DENND4C: variants seen among roughly 807,000 people sequenced by gnomAD.
The protein encoded by DENND4C is DENN domain containing 4C.
In DENND4C, 108 loss-of-function variants were observed where a neutral mutation model predicts 203.0. That is an observed-to-expected ratio of 0.53 (90% CI 0.46 to 0.62). The LOEUF is 0.62. DENND4C is among the 20% of genes least tolerant of loss of function. The pLI is 0.00. For missense variants in DENND4C, 2,481 were observed against 2,301.2 expected (o/e 1.08, Z -1.60); for synonymous variants, 871 against 792.4 (o/e 1.10, Z -1.67).
rs142460239 is a variant in DENND4C, at chr9:19,266,772, G to T, written c.-17-9386G>T. Among the ~76,000 whole-genome samples the T allele has an allele frequency of 7.9e-3, 1,197 of 152,266 alleles. 20 individuals carry two copies. Among genetic ancestry groups the T allele is most frequent in the African/African-American group, 0.028 (1,160 of 41,542 alleles). ...ATGGTGCTGGGAAAACTGGCTAGCC[G>T]TATGTAGAGGGCTGAAACTGGATCC... On this transcript the variant is annotated intron_variant, in intron 1 of 32. Transcript: ENST00000434457.
intron 6 of DENND4C, among the ~76,000 whole-genome samples, chr9:19,297,121 C>T (rs935543306): frequency 2.6e-5 from 4 of 152,054 alleles, no homozygotes; most frequent in African/African-American, 9.7e-5. Flanking sequence ...TTTATGTATC[C>T]TGCTAACAAA....
intron 20 of DENND4C, among the ~76,000 whole-genome samples, chr9:19,337,040 C>T (rs1347513652): frequency 6.6e-6 from 1 of 152,168 alleles, no homozygotes; most frequent in Non-Finnish European, 1.5e-5. Context: ...GCACAGTGCT[C>T]TAGCATGATG....
intron 2 of DENND4C, among the ~76,000 whole-genome samples, chr9:19,278,996 C>T (rs10757046): frequency 0.49 from 74,145 of 151,876 alleles, 18,845 homozygotes; most frequent in South Asian, 0.65. Context: ...GAAACTTAGG[C>T]ACTATTCCAG....
chr9:19,360,210 GATA>G (rs1826173914), intron 28 of DENND4C, 31 bp from the exon 29 acceptor site: 3 of 1,597,050 alleles, frequency 1.9e-6, no homozygotes, highest in Non-Finnish European at 2.6e-6. Flanking sequence ...GATTTAAACA[GATA>G]ATATTAATTT....
At chr9:19,231,426 A>C (rs1017070897) in intron 1 of DENND4C, among the ~76,000 whole-genome samples, 5 of 152,084 alleles carry the variant, frequency 3.3e-5, no homozygotes, top group Non-Finnish European at 5.9e-5. Flanking sequence ...ATGACTTTCT[A>C]GGAGGGCAGT....
At chr9:19,323,258 C>A (rs1180603130) in intron 12 of DENND4C, among the ~76,000 whole-genome samples, 1 of 152,004 alleles carries the variant, frequency 6.6e-6, no homozygotes, top group Non-Finnish European at 1.5e-5. Flanking sequence ...ATGGTGAAAC[C>A]GTCTCTACTA....
At chr9:19,321,725 A>G (rs957505589) in intron 12 of DENND4C, among the ~76,000 whole-genome samples, 2 of 151,324 alleles carry the variant, frequency 1.3e-5, no homozygotes, top group African/African-American at 2.4e-5. Context: ...CCAGCTACTC[A>G]GGAGGCTGAG....
chr9:19,235,784 G>A (rs948975845), intron 1 of DENND4C, among the ~76,000 whole-genome samples: 6 of 151,706 alleles, frequency 4.0e-5, no homozygotes, highest in African/African-American at 7.3e-5. Flanking sequence ...CTGATTTTTC[G>A]TATTTTTAGT....
At chr9:19,356,486 T>C (rs1825421158) in intron 26 of DENND4C, among the ~76,000 whole-genome samples, 2 of 151,916 alleles carry the variant, frequency 1.3e-5, no homozygotes, top group African/African-American at 4.8e-5. Context: ...AGAGATAAGA[T>C]GTAAATAAAA....
In DENND4C at chr9:19,316,742, G is replaced by C; in HGVS notation, c.1710G>C (p.Met570Ile). 6.2e-7 allele frequency: 1 copy of C among 1,614,058 alleles called. No individual in the cohort carries two copies. Among genetic ancestry groups the C allele is most frequent in the Non-Finnish European group, 8.5e-7 (1 of 1,180,008 alleles). ...TTCAAGAGGCATTTTTGCGCTTTAT[G>C]GCGTCTATTTTAAAAGGATATAGAA... ...MEIQEAFLRF[M>I]ASILKGYRTY... Residue 570 changes from methionine to isoleucine, a missense_variant, in exon 12 of 33, where the codon ATG (methionine) becomes ATC (isoleucine). Physicochemically the swap from Met to Ile is conservative, Grantham distance 10 (BLOSUM62 1). Transcript: ENST00000434457.
intron 27 of DENND4C, 86 bp downstream of exon 27, chr9:19,357,240 T>C (rs1825625819): frequency 7.5e-7 from 1 of 1,326,202 alleles, no homozygotes; most frequent in Non-Finnish European, 1.1e-6. Context: ...ACCTGACTCA[T>C]ATAGGCATAA....
intron 1 of DENND4C, among the ~76,000 whole-genome samples, chr9:19,262,824 C>CT (rs758954422): frequency 2.0e-5 from 3 of 152,164 alleles, no homozygotes; most frequent in Non-Finnish European, 4.4e-5. Context: ...CTGCCTTGGC[C>CT]TCCCAAAGTG....
chr9:19,283,369 C>T (rs1284152524), intron 2 of DENND4C, among the ~76,000 whole-genome samples: 1 of 151,920 alleles, frequency 6.6e-6, no homozygotes, highest in African/African-American at 2.4e-5. Flanking sequence ...GAAGGACCTG[C>T]CTGAGACTGT....
chr9:19,235,733 C>A (rs1821805758), intron 1 of DENND4C, among the ~76,000 whole-genome samples: 1 of 151,570 alleles, frequency 6.6e-6, no homozygotes, highest in African/African-American at 2.4e-5. Flanking sequence ...GCCTCAGCCT[C>A]CCAAATAGCT....
intron 1 of DENND4C, among the ~76,000 whole-genome samples, chr9:19,240,545 A>G (rs1381382130): frequency 1.3e-5 from 2 of 152,088 alleles, no homozygotes; most frequent in African/African-American, 4.8e-5. Context: ...GTGTGCCTGT[A>G]GTCCCAGCTA....
intron 10 of DENND4C, among the ~76,000 whole-genome samples, chr9:19,309,213 G>T (rs559001566): frequency 2.0e-5 from 3 of 151,878 alleles, no homozygotes; most frequent in Admixed American, 2.0e-4. Flanking sequence ...TCCTGGGGTC[G>T]GGAGTTTGAG....
In DENND4C at chr9:19,360,935, G is replaced by A. The variant is rs146209306; in HGVS notation, c.5406+446G>A. On this transcript the variant is annotated intron_variant, in intron 29 of 32. Coordinates refer to ENST00000434457, the MANE Select transcript of DENND4C (RefSeq NM_001330640.2). ...GTTGCCCAGGCTGGAGTGCAATGGC[G>A]TGATCTCGGCTCATTGCAGCCTCCT... Among the ~76,000 whole-genome samples, 816 of 152,266 alleles carry A rather than the reference G, an allele frequency of 5.4e-3. 8 individuals are homozygous for A. The highest frequency in any genetic ancestry group is 0.019 in the African/African-American group (774 of 41,552).
chr9:19,275,273 C>T (rs569852013), intron 1 of DENND4C, among the ~76,000 whole-genome samples: 10 of 124,020 alleles, frequency 8.1e-5, no homozygotes, highest in Non-Finnish European at 1.2e-4. Context: ...CCACCAGGCC[C>T]GGCCTTTTTT....
chr9:19,335,515 T>G (rs1443024776), intron 18 of DENND4C, among the ~76,000 whole-genome samples: 2 of 152,164 alleles, frequency 1.3e-5, no homozygotes, highest in Non-Finnish European at 2.9e-5. Context: ...CCTTTCCCCT[T>G]ACCTCCCAAA....
Sources: allele counts gnomAD v4.1 joint callset (sites outside exome capture counted in the v4.1 genomes callset), GRCh38; gene constraint gnomAD v4.1.1; transcripts MANE v1.5; gene names NCBI Gene and HGNC (gene_info 2026-07-23, HGNC 2026-07-21).